The following KCNU1 variants were observed in gnomAD, a reference collection of about 807,000 sequenced individuals.
KCNU1 encodes potassium calcium-activated channel subfamily U member 1, also known as potassium channel subfamily U member 1.
In KCNU1, 93 loss-of-function variants were observed where a neutral mutation model predicts 126.8. That is an observed-to-expected ratio of 0.73 (90% CI 0.62 to 0.87). The LOEUF is 0.87. Ranked by LOEUF, KCNU1 falls within the 40% of genes least tolerant of loss-of-function variation. KCNU1 has a pLI of 0.00. For synonymous variants in KCNU1, 523 were observed against 494.2 expected (o/e 1.06, Z -0.77); for missense variants, 1,330 against 1,367.1 (o/e 0.97, Z 0.43).
chr8:36,931,257 C>T (rs1808695017), intron 25 of KCNU1, 112 bp downstream of exon 25: 2 of 568,368 alleles, frequency 3.5e-6, no homozygotes, highest in Non-Finnish European at 6.1e-6. Context: ...GAAATGATAA[C>T]AATAAAAATA....
At chr8:36,908,886 G>A (rs914475210) in intron 20 of KCNU1, among the ~76,000 whole-genome samples, 2 of 152,022 alleles carry the variant, frequency 1.3e-5, no homozygotes, top group African/African-American at 4.8e-5. Flanking sequence ...TAATTTTCAG[G>A]ACTCACTAGA....
intron 2 of KCNU1, among the ~76,000 whole-genome samples, chr8:36,796,623 TG>T (rs1803109772): frequency 6.6e-6 from 1 of 152,208 alleles, no homozygotes. Context: ...AATTTTGTAT[TG>T]TTTTTGGCTT....
intron 11 of KCNU1, 115 bp from the exon 12 acceptor site, chr8:36,834,671 G>A: frequency 1.6e-6 from 1 of 632,468 alleles, no homozygotes; most frequent in Non-Finnish European, 2.8e-6. Flanking sequence ...TCCCAAGTGT[G>A]TCCTCTTTTG....
At chr8:36,793,104 A>G (rs1244339296) in intron 2 of KCNU1, among the ~76,000 whole-genome samples, 1 of 151,902 alleles carries the variant, frequency 6.6e-6, no homozygotes, top group Non-Finnish European at 1.5e-5. Flanking sequence ...TATCACAAGG[A>G]CAAAAAACCA....
At chr8:36,907,565 G>C (rs550981743) in intron 20 of KCNU1, among the ~76,000 whole-genome samples, 1 of 152,308 alleles carries the variant, frequency 6.6e-6, no homozygotes, top group South Asian at 2.1e-4. Flanking sequence ...CAGACAAGTA[G>C]CTTTATTTCC....
chr8:36,785,842 T>G (rs1265885595), intron 1 of KCNU1, among the ~76,000 whole-genome samples: 1 of 152,230 alleles, frequency 6.6e-6, no homozygotes, highest in South Asian at 2.1e-4. Context: ...TGACAGTACA[T>G]TTGTCAATTT....
At chr8:36,822,061 C>A (rs1330250670) in intron 10 of KCNU1, among the ~76,000 whole-genome samples, 3 of 152,058 alleles carry the variant, frequency 2.0e-5, no homozygotes, top group Non-Finnish European at 4.4e-5. Context: ...AAAGTGGAGT[C>A]CATTTTCCCT....
chr8:36,906,774 C>T (rs1311462721), intron 20 of KCNU1, among the ~76,000 whole-genome samples: 1 of 152,106 alleles, frequency 6.6e-6, no homozygotes, highest in East Asian at 1.9e-4. Flanking sequence ...ATCATTTGAT[C>T]AGAAACACGA....
intron 24 of KCNU1, among the ~76,000 whole-genome samples, chr8:36,929,528 G>A (rs1383525275): frequency 6.6e-6 from 1 of 151,946 alleles, no homozygotes; most frequent in East Asian, 1.9e-4. Context: ...GTAAAAAACT[G>A]TAAAATATAG....
At chr8:36,867,741 A>T (rs1011138651) in intron 19 of KCNU1, among the ~76,000 whole-genome samples, 3 of 152,188 alleles carry the variant, frequency 2.0e-5, no homozygotes, top group African/African-American at 7.2e-5. Flanking sequence ...CACAGCTGTA[A>T]AAACAAAAAT....
chr8:36,900,063 G>A (rs1015649072), intron 19 of KCNU1, among the ~76,000 whole-genome samples: 10 of 152,100 alleles, frequency 6.6e-5, no homozygotes, highest in Non-Finnish European at 2.9e-5. Flanking sequence ...TGCTGTCAAC[G>A]TATGTCACAT....
At chr8:36,830,235 G>A (rs1017514722) in intron 10 of KCNU1, among the ~76,000 whole-genome samples, 7 of 151,372 alleles carry the variant, frequency 4.6e-5, no homozygotes, top group South Asian at 2.1e-4. Flanking sequence ...AATTATTGCT[G>A]AGACATCAAA....
rs371921660 is a variant in KCNU1, at chr8:36,871,929, C to G, written c.2009+7408C>G. ...CTGTTTAGGGTCATATATAAAAGAC[C>G]AACTCTATAAGACAAAGTGAAGGTT... On this transcript the variant is annotated intron_variant, in intron 19 of 26. Coordinates refer to ENST00000399881, the MANE Select transcript of KCNU1 (RefSeq NM_001031836.3). Among the ~76,000 whole-genome samples, 185 of 152,084 alleles carry G rather than the reference C, an allele frequency of 1.2e-3. 1 individual carries two copies. The highest frequency in any genetic ancestry group is 4.4e-3 in the African/African-American group (181 of 41,496).
chr8:36,822,117 A>G (rs548219187), intron 10 of KCNU1, among the ~76,000 whole-genome samples: 64 of 152,238 alleles, frequency 4.2e-4, no homozygotes, highest in African/African-American at 1.5e-3. Context: ...AACCAAGAAG[A>G]TATCAACAAG....
At chr8:36,788,811 G>T (rs1802801346) in intron 2 of KCNU1, among the ~76,000 whole-genome samples, 1 of 152,060 alleles carries the variant, frequency 6.6e-6, no homozygotes, top group Non-Finnish European at 1.5e-5. Flanking sequence ...CTCTTCAAAT[G>T]TTCAAGTCAT....
At chr8:36,805,838 T>A (rs1803479234) in intron 4 of KCNU1, among the ~76,000 whole-genome samples, 1 of 152,134 alleles carries the variant, frequency 6.6e-6, no homozygotes, top group Non-Finnish European at 1.5e-5. Context: ...AGGCATGCTA[T>A]ATATAAAAAC....
intron 19 of KCNU1, among the ~76,000 whole-genome samples, chr8:36,889,975 A>T (rs1047000793): frequency 1.3e-5 from 2 of 152,118 alleles, no homozygotes; most frequent in African/African-American, 4.8e-5. Context: ...AAAGTATTGA[A>T]AGAAAAAACC....
intron 7 of KCNU1, among the ~76,000 whole-genome samples, chr8:36,812,178 G>A (rs1418458605): frequency 6.6e-6 from 1 of 151,962 alleles, no homozygotes; most frequent in Non-Finnish European, 1.5e-5. Flanking sequence ...TTGGGAGTTC[G>A]AGACCAGCCT....
At chr8:36,929,278 G>T (rs1028794880) in intron 24 of KCNU1, among the ~76,000 whole-genome samples, 6 of 151,550 alleles carry the variant, frequency 4.0e-5, no homozygotes, top group African/African-American at 1.5e-4. Flanking sequence ...CAGCTACTTG[G>T]GAGGCTGAGG....
Sources: allele counts gnomAD v4.1 joint callset (sites outside exome capture counted in the v4.1 genomes callset), GRCh38; gene constraint gnomAD v4.1.1; transcripts MANE v1.5; gene names NCBI Gene and HGNC (gene_info 2026-07-23, HGNC 2026-07-21).